Variants in PAXIP1 observed in about 807,000 individuals in gnomAD.
The protein encoded by PAXIP1 is PAX-interacting protein 1.
PAXIP1 carries 19 observed loss-of-function variants against 140.6 expected under a neutral mutation model. That is an observed-to-expected ratio of 0.14 (90% confidence interval 0.09 to 0.20). PAXIP1 has a LOEUF of 0.20. PAXIP1 is among the 10% of genes least tolerant of loss of function. PAXIP1 has a pLI of 1.00. For missense variants in PAXIP1, 920 were observed against 1,208.6 expected, an observed-to-expected ratio of 0.76 and a Z score of 3.54; for synonymous variants, 442 against 444.6, an observed-to-expected ratio of 0.99 and a Z score of 0.07.
intron 13 of PAXIP1, among the ~76,000 whole-genome samples, chr7:154,959,538 T>C (rs2150748940): frequency 6.6e-6 from 1 of 152,282 alleles, no homozygotes. Flanking sequence ...TAACAACCAA[T>C]GGCCCTCACA....
Position 154,946,546 on chromosome 7 carries a change from A to G in PAXIP1, c.3099T>C (p.Leu1033=), listed in dbSNP as rs769860072. ...EIILISCEND[L]HLCREYFARG... Reference sequence around the variant, plus strand: ...TGGCAAAATATTCTCGGCATAAATGAAGGTCATTTTCACAGGATATTAAAA... The same window carrying G: ...TGGCAAAATATTCTCGGCATAAATGGAGGTCATTTTCACAGGATATTAAAA... Residue 1033 remains leucine (L), a synonymous_variant, in exon 19 of 21, where the codon CTT becomes CTC. Transcript: ENST00000404141. The surrounding 1 kb of genome is among the most constrained non-coding windows in gnomAD (Gnocchi z 4.9). 1 of 1,614,002 alleles carries G rather than the reference A, an allele frequency of 6.2e-7. No individual in the cohort carries two copies. The highest frequency in any genetic ancestry group is 8.5e-7 in the Non-Finnish European group (1 of 1,179,878).
intron 16 of PAXIP1, among the ~76,000 whole-genome samples, chr7:154,952,671 G>A (rs1036899263): frequency 1.1e-4 from 16 of 152,128 alleles, no homozygotes; most frequent in African/African-American, 3.9e-4. Context: ...ATATATGATT[G>A]GCTGATGAAA....
At chr7:154,999,367 T>C (rs1355667300) in intron 1 of PAXIP1, among the ~76,000 whole-genome samples, 1 of 152,172 alleles carries the variant, frequency 6.6e-6, no homozygotes, top group African/African-American at 2.4e-5. Flanking sequence ...GCAGGGCCAC[T>C]GAAGGATTTC....
At chr7:154,989,595 G>A (rs1250318298) in intron 4 of PAXIP1, among the ~76,000 whole-genome samples, 3 of 152,082 alleles carry the variant, frequency 2.0e-5, no homozygotes, top group Non-Finnish European at 4.4e-5. Flanking sequence ...TTTGTAAAAC[G>A]ACTTTAAACA....
intron 16 of PAXIP1, chr7:154,948,982 A>C (rs1284296834): frequency 6.6e-6 from 1 of 152,184 alleles, no homozygotes; most frequent in Non-Finnish European, 1.5e-5. Context: ...TTCAGTTTTC[A>C]TAGCAACATT....
chr7:154,967,543 T>C, intron 8 of PAXIP1: 1 of 328,364 alleles, frequency 3.0e-6, no homozygotes, highest in East Asian at 5.3e-5. Context: ...CTTATTTCCA[T>C]TGCCCCAATT....
Position 154,976,348 on chromosome 7 carries a change from AACAC to A in PAXIP1, c.439-21_439-18del. 1 of 1,543,926 alleles carries A rather than the reference AACAC, an allele frequency of 6.5e-7. No homozygotes were observed. Among genetic ancestry groups the A allele is most frequent in the East Asian group, 2.3e-5 (1 of 44,240 alleles). On this transcript the variant is annotated intron_variant, in intron 5 of 20. Coordinates refer to ENST00000404141, the MANE Select transcript of PAXIP1 (RefSeq NM_007349.4). ...GTATTTCTCCTACGAGGAAAGCAGA[AACAC>A]ACACAAAACAAAGCTGTAAATTTTA...
In PAXIP1 at chr7:154,943,889, C is replaced by A; in HGVS notation, c.*260G>T. On this transcript the variant is annotated 3_prime_UTR_variant, in exon 21 of 21. Coordinates refer to ENST00000404141, the MANE Select transcript of PAXIP1 (RefSeq NM_007349.4). ...CAGTTTTGTGAAAACATTTAAAAAC[C>A]TGGCAAATGAATCATAAAACCTAAT... The A allele has an allele frequency of 4.7e-6, 2 of 427,908 alleles. No homozygotes were observed. The highest frequency in any genetic ancestry group is 3.4e-5 in the South Asian group (1 of 29,002). 26.5% of individuals were successfully genotyped at this position (427,908 alleles called of 1,614,324 possible).
Position 154,974,910 on chromosome 7 carries a change from C to T in PAXIP1, c.1074+786G>A, listed in dbSNP as rs992237685. ...CTGTAATCCCAGCATTCTGGGAGGCCGAGGTGGGTGGATCACTAGAGATCA... is the reference window on the plus strand; with the variant it reads ...CTGTAATCCCAGCATTCTGGGAGGCTGAGGTGGGTGGATCACTAGAGATCA... On this transcript the variant is annotated intron_variant, in intron 6 of 20. Transcript: ENST00000404141. Among the ~76,000 whole-genome samples, 12 of 150,024 alleles carry T rather than the reference C, an allele frequency of 8.0e-5. No homozygotes were observed. In the East Asian group the frequency reaches 9.7e-4, roughly 12 times the overall value.
At chr7:154,975,657 G>T in intron 6 of PAXIP1, 39 bp downstream of exon 6, 1 of 1,363,720 alleles carries the variant, frequency 7.3e-7, no homozygotes, top group Non-Finnish European at 1.0e-6. Context: ...CCAATTCTAA[G>T]ATCCAATACT....
chr7:154,982,629 G>A (rs986330420), intron 5 of PAXIP1, among the ~76,000 whole-genome samples: 1 of 152,184 alleles, frequency 6.6e-6, no homozygotes, highest in African/African-American at 2.4e-5. Flanking sequence ...GGGATTACAG[G>A]CATGAGCCAC....
chr7:154,962,673 A>C, intron 9 of PAXIP1: 1 of 415,168 alleles, frequency 2.4e-6, no homozygotes. Flanking sequence ...TGCAAACAAG[A>C]GTCTACAAAA....
intron 15 of PAXIP1, 108 bp downstream of exon 15, chr7:154,955,421 G>C (rs778685692): frequency 2.2e-5 from 15 of 687,654 alleles, no homozygotes; most frequent in Non-Finnish European, 2.8e-5. Context: ...CATAAAGACT[G>C]TTATAACTAT....
rs1467027805 is a variant in PAXIP1, at chr7:154,986,235, A to G, written c.325-2903T>C. On this transcript the variant is annotated intron_variant, in intron 4 of 20. Coordinates refer to ENST00000404141, the MANE Select transcript of PAXIP1 (RefSeq NM_007349.4). The surrounding 1 kb of genome is among the most constrained non-coding windows in gnomAD (Gnocchi z 4.8). ...AACCACCAAGAAACAGTCCTTTTGT[A>G]AAGCTGGGGTCCTGCCTGGCGTGTG... The G allele has an allele frequency of 7.9e-7, 1 of 1,271,504 alleles. No individual in the cohort carries two copies. Among genetic ancestry groups the G allele is most frequent in the Non-Finnish European group, 1.0e-6 (1 of 966,954 alleles). 78.8% of individuals were successfully genotyped at this position (1,271,504 alleles called of 1,614,324 possible).
intron 13 of PAXIP1, among the ~76,000 whole-genome samples, chr7:154,957,965 C>G (rs955509211): frequency 8.5e-6 from 1 of 117,386 alleles, no homozygotes; most frequent in African/African-American, 3.1e-5. Flanking sequence ...CAGAGCGAGA[C>G]TCCGTCTCAA....
rs373674224 is a variant in PAXIP1 at position 154,946,271 on chromosome 7, G to A, written c.3194+94C>T. ...CACAATAGCAAAGAAAGGAAAAATG[G>A]CTTGCAAAACAGGAAAGGTACTGCC... On this transcript the variant is annotated intron_variant, in intron 20 of 20. Coordinates refer to ENST00000404141, the MANE Select transcript of PAXIP1 (RefSeq NM_007349.4). The surrounding 1 kb of genome is among the most constrained non-coding windows in gnomAD (Gnocchi z 4.9). 201 of 1,581,548 alleles carry A rather than the reference G, an allele frequency of 1.3e-4. No homozygotes were observed. The African/African-American group carries it at 2.5e-3, about 19-fold the overall frequency.
rs546465532 is a variant in PAXIP1 at position 154,986,414 on chromosome 7, C to A, written c.325-3082G>T. Among the ~76,000 whole-genome samples the A allele has an allele frequency of 6.6e-6, 1 of 152,258 alleles. No homozygotes were observed. The highest frequency in any genetic ancestry group is 2.4e-5 in the African/African-American group (1 of 41,540). On this transcript the variant is annotated intron_variant, in intron 4 of 20. Coordinates refer to ENST00000404141, the MANE Select transcript of PAXIP1 (RefSeq NM_007349.4). This position sits in a 1 kb window ranked among gnomAD's most constrained non-coding sequence, Gnocchi z 4.8. ...TCATTTTTGCATATGTTGCAACATA[C>A]CGTATTTGCCCAAGGCCTGACCCCT...
At chr7:154,996,714 T>C (rs1317790467) in intron 2 of PAXIP1, among the ~76,000 whole-genome samples, 2 of 152,244 alleles carry the variant, frequency 1.3e-5, no homozygotes, top group African/African-American at 4.8e-5. Flanking sequence ...TATTTATTAT[T>C]TACTTGCCTT....
chr7:154,982,344 C>T (rs1410797754), intron 5 of PAXIP1, among the ~76,000 whole-genome samples: 1 of 152,114 alleles, frequency 6.6e-6, no homozygotes, highest in Non-Finnish European at 1.5e-5. Context: ...AGAGGCTGGA[C>T]AGACTGCATT....
Sources: gnomAD v4.1 joint callset for allele counts (sites outside exome capture counted in the v4.1 genomes callset) on GRCh38, gnomAD v4.1.1 for gene constraint, Gnocchi (gnomAD v3.1) non-coding constraint, MANE v1.5 for transcripts, NCBI Gene and HGNC (gene_info 2026-07-23, HGNC 2026-07-21) for gene names.